The following EPB41L3 variants were observed in gnomAD, a reference collection of about 807,000 sequenced individuals.
EPB41L3 encodes the protein erythrocyte membrane protein band 4.1 like 3, also known as band 4.1-like protein 3.
In EPB41L3, 57 loss-of-function variants were observed where a neutral mutation model predicts 127.1. The observed-to-expected ratio is 0.45, with a 90% confidence interval of 0.36 to 0.56. The LOEUF is 0.56. Ranked by LOEUF, EPB41L3 falls within the 20% of genes least tolerant of loss-of-function variation. EPB41L3 has a pLI of 0.00. For synonymous variants in EPB41L3, 572 were observed against 549.5 expected, an observed-to-expected ratio of 1.04 and a Z score of -0.57; for missense variants, 1,273 against 1,372.2, an observed-to-expected ratio of 0.93 and a Z score of 1.14.
At chr18:5,520,689 A>C (rs149385953) in intron 1 of EPB41L3, among the ~76,000 whole-genome samples, 1 of 152,322 alleles carries the variant, frequency 6.6e-6, no homozygotes, top group East Asian at 1.9e-4. Flanking sequence ...AACTCCTGCT[A>C]TCATGAGGGG....
chr18:5,489,509 T>C (rs2090334189), intron 1 of EPB41L3: 1 of 292,480 alleles, frequency 3.4e-6, no homozygotes, highest in Non-Finnish European at 6.2e-6. Flanking sequence ...TAATTAAATA[T>C]CTTACATTCA....
At chr18:5,422,682 A>T (rs946625529) in intron 11 of EPB41L3, among the ~76,000 whole-genome samples, 45 of 152,216 alleles carry the variant, frequency 3.0e-4, no homozygotes, top group Non-Finnish European at 4.7e-4. Context: ...ATTACTTCAG[A>T]GAGCAATCAA....
chr18:5,487,405 A>T (rs1046957613), intron 2 of EPB41L3, among the ~76,000 whole-genome samples: 2 of 149,624 alleles, frequency 1.3e-5, no homozygotes, highest in South Asian at 2.1e-4. Flanking sequence ...TAATATATAT[A>T]TTTTTTATAT....
upstream of EPB41L3, among the ~76,000 whole-genome samples, chr18:5,548,851 C>G (rs2093923888): frequency 6.6e-6 from 1 of 152,134 alleles, no homozygotes; most frequent in Non-Finnish European, 1.5e-5. Context: ...AGTTGTTAAT[C>G]TGTAATATTA....
At chr18:5,453,768 A>G (rs1331236084) in intron 3 of EPB41L3, among the ~76,000 whole-genome samples, 5 of 152,148 alleles carry the variant, frequency 3.3e-5, no homozygotes, top group Non-Finnish European at 7.4e-5. Context: ...TGTCCTTTTT[A>G]CTGCCCTGGT....
chr18:5,448,269 G>A (rs962665952), intron 3 of EPB41L3, among the ~76,000 whole-genome samples: 9 of 152,192 alleles, frequency 5.9e-5, no homozygotes, highest in African/African-American at 1.9e-4. Context: ...TGCTGCCAAC[G>A]GATGGAGGTG....
At chr18:5,453,668 A>G (rs1460137547) in intron 3 of EPB41L3, among the ~76,000 whole-genome samples, 1 of 152,016 alleles carries the variant, frequency 6.6e-6, no homozygotes, top group Non-Finnish European at 1.5e-5. Flanking sequence ...CCTCAAATAG[A>G]CCCCTGATTT....
intron 3 of EPB41L3, among the ~76,000 whole-genome samples, chr18:5,572,919 C>T (rs1353946726): frequency 1.3e-5 from 2 of 152,058 alleles, no homozygotes; most frequent in Non-Finnish European, 2.9e-5. Context: ...ACACCCATGC[C>T]CTCTCCCCAC....
At chr18:5,432,083 G>C (rs2079083774) in intron 8 of EPB41L3, among the ~76,000 whole-genome samples, 1 of 152,160 alleles carries the variant, frequency 6.6e-6, no homozygotes, top group Non-Finnish European at 1.5e-5. Context: ...ATGACGTGCA[G>C]AGTGATCCGC....
At chr18:5,581,973 G>A (rs2094397696) in intron 3 of EPB41L3, among the ~76,000 whole-genome samples, 1 of 152,136 alleles carries the variant, frequency 6.6e-6, no homozygotes, top group Non-Finnish European at 1.5e-5. Context: ...CTCCAGCCTG[G>A]GTGTCAGAGG....
intron 1 of EPB41L3, among the ~76,000 whole-genome samples, chr18:5,626,406 A>T (rs2094924157): frequency 6.6e-6 from 1 of 152,240 alleles, no homozygotes; most frequent in African/African-American, 2.4e-5. Flanking sequence ...GACCAATCAT[A>T]CACATTTTCT....
chr18:5,408,277 T>C lies in EPB41L3; in HGVS notation c.2122-541A>G, dbSNP rs28625806. ...CTTGATTTTCTTTTCTTTTTTCTTT[T>C]TTTTTTTTTTTTTTGAGACAGAGTC... is the stretch of plus-strand genomic sequence containing the variant. On this transcript the variant is annotated intron_variant, in intron 14 of 22. Coordinates refer to ENST00000341928, the MANE Select transcript of EPB41L3 (RefSeq NM_012307.5). Among the ~76,000 whole-genome samples, 221 of 23,796 alleles carry C rather than the reference T, an allele frequency of 9.3e-3. 10 individuals are homozygous for C. The highest frequency in any genetic ancestry group is 0.088 in the East Asian group (9 of 102). 15.6% of individuals were successfully genotyped at this position (23,796 alleles called of 152,430 possible).
intron 22 of EPB41L3, chr18:5,393,832 A>C: frequency 4.8e-6 from 1 of 207,560 alleles, no homozygotes. Flanking sequence ...AAATCTCTTA[A>C]ACATTTTATC....
rs548590100 is a variant in EPB41L3 at position 5,626,413 on chromosome 18, T to G, written c.-468+2509A>C. ...GACAAAATGACCAATCATACACATT[T>G]TCTAATAGCCATATTTATTTTTTAA... On this transcript the variant is annotated intron_variant, in intron 1 of 21. Transcript: ENST00000545076. Among the ~76,000 whole-genome samples the G allele has an allele frequency of 5.3e-5, 8 of 152,348 alleles. 1 individual carries two copies. Among genetic ancestry groups the G allele is most frequent in the Admixed American group, 4.6e-4 (7 of 15,308 alleles).
intron 4 of EPB41L3, among the ~76,000 whole-genome samples, chr18:5,444,410 G>A (rs2081202677): frequency 6.6e-6 from 1 of 152,132 alleles, no homozygotes; most frequent in African/African-American, 2.4e-5. Context: ...GAATTCAGGA[G>A]GTATTAAGGA....
chr18:5,608,269 G>T (rs1337824464), intron 3 of EPB41L3, among the ~76,000 whole-genome samples: 1 of 152,138 alleles, frequency 6.6e-6, no homozygotes, highest in Non-Finnish European at 1.5e-5. Flanking sequence ...CAGATGTGTT[G>T]TTGTTGTTGT....
At chr18:5,493,144 AAAT>A (rs768278837) in intron 1 of EPB41L3, among the ~76,000 whole-genome samples, 223 of 152,366 alleles carry the variant, frequency 1.5e-3, no homozygotes, top group South Asian at 2.7e-3. Flanking sequence ...TCTCCTAACT[AAAT>A]GACTGCTAAA....
intron 1 of EPB41L3, among the ~76,000 whole-genome samples, chr18:5,503,185 T>C (rs981909070): frequency 1.3e-5 from 2 of 152,222 alleles, no homozygotes; most frequent in Non-Finnish European, 2.9e-5. Context: ...TAGGTGGCCA[T>C]TCTACTGTCT....
At chr18:5,624,986 G>C (rs1568666167) in intron 1 of EPB41L3, among the ~76,000 whole-genome samples, 1 of 152,156 alleles carries the variant, frequency 6.6e-6, no homozygotes, top group Non-Finnish European at 1.5e-5. Flanking sequence ...GAAAGAAATA[G>C]GGTGAGCGAA....
Sources: allele counts gnomAD v4.1 joint callset (sites outside exome capture counted in the v4.1 genomes callset), GRCh38; gene constraint gnomAD v4.1.1; transcripts MANE v1.5; gene names NCBI Gene and HGNC (gene_info 2026-07-23, HGNC 2026-07-21).